The following CCPG1 variants were observed in gnomAD, a reference collection of about 807,000 sequenced individuals.
The protein encoded by CCPG1 is cell cycle progression 1.
Under a neutral mutation model 81.3 loss-of-function variants are expected in CCPG1, and 46 were observed. That is an observed-to-expected ratio of 0.57 (90% confidence interval 0.45 to 0.72). The LOEUF (loss-of-function observed/expected upper bound fraction) is 0.72, where lower values mean the gene tolerates loss of function less well. CCPG1 is among the 30% of genes least tolerant of loss of function. The pLI is 0.00. For synonymous variants in CCPG1, 330 were observed against 305.2 expected, an observed-to-expected ratio of 1.08 and a Z score of -0.85; for missense variants, 902 against 937.6, an observed-to-expected ratio of 0.96 and a Z score of 0.50.
intron 1 of CCPG1, among the ~76,000 whole-genome samples, chr15:55,393,071 T>G (rs1164564624): frequency 6.6e-6 from 1 of 152,078 alleles, no homozygotes; most frequent in Non-Finnish European, 1.5e-5. Flanking sequence ...GCCATTGCAC[T>G]CCAGCCTGGG....
Position 55,356,135 on chromosome 15 carries a change from T to A in CCPG1, c.*85A>T. On this transcript the variant is annotated 3_prime_UTR_variant, in exon 9 of 9. Coordinates refer to ENST00000442196, the MANE Select transcript of CCPG1 (RefSeq NM_001204450.2). ...AACAAAAGAAAAGACATTGTCATCT[T>A]GGTAATTTCATTAGTTTCAATACCA... 1.0e-6 allele frequency: 1 copy of A among 958,898 alleles called. No individual in the cohort carries two copies. The highest frequency in any genetic ancestry group is 1.5e-6 in the Non-Finnish European group (1 of 658,064). 59.4% of individuals were successfully genotyped at this position (958,898 alleles called of 1,614,324 possible).
intron 1 of CCPG1, among the ~76,000 whole-genome samples, chr15:55,394,228 C>T (rs2056975779): frequency 1.3e-5 from 2 of 152,148 alleles, no homozygotes; most frequent in South Asian, 4.1e-4. Flanking sequence ...TCAAGTGATC[C>T]ACCCACCTCG....
chr15:55,386,166 G>A (rs1415760723), intron 2 of CCPG1, among the ~76,000 whole-genome samples: 9 of 129,762 alleles, frequency 6.9e-5, no homozygotes, highest in Admixed American at 1.7e-4. Context: ...GAGGCCGGTG[G>A]ATCACAAAAA....
intron 3 of CCPG1, among the ~76,000 whole-genome samples, chr15:55,379,379 T>C (rs535338529): frequency 1.3e-5 from 2 of 151,692 alleles, no homozygotes; most frequent in Non-Finnish European, 2.9e-5. Flanking sequence ...AATTAAAAAA[T>C]TATTTGGGCA....
intron 6 of CCPG1, among the ~76,000 whole-genome samples, chr15:55,365,748 A>G (rs1296799401): frequency 1.3e-5 from 2 of 151,896 alleles, no homozygotes; most frequent in Non-Finnish European, 2.9e-5. Flanking sequence ...TTTCATTCAG[A>G]GTATCAGCAT....
chr15:55,373,131 T>C, intron 5 of CCPG1: 2 of 434,734 alleles, frequency 4.6e-6, no homozygotes, highest in South Asian at 3.5e-5. Flanking sequence ...AAATCCCAAG[T>C]CCAGGAAACA....
chr15:55,391,523 T>C (rs1025626758), intron 1 of CCPG1, among the ~76,000 whole-genome samples: 2 of 150,458 alleles, frequency 1.3e-5, no homozygotes, highest in African/African-American at 5.0e-5. Flanking sequence ...ATGTTTATAA[T>C]AGCTTGAAAA....
rs2056154637 is a variant in CCPG1, at chr15:55,359,861, G to C, written c.1912C>G (p.Gln638Glu). 1.9e-6 allele frequency: 3 copies of C among 1,613,562 alleles called. No homozygotes were observed. Among genetic ancestry groups the C allele is most frequent in the Non-Finnish European group, 1.7e-6 (2 of 1,179,924 alleles). ...ACSGVFDCAQQESMSLFNTVV... is the reference protein window; with the variant it reads ...ACSGVFDCAQEESMSLFNTVV... ...GTGTTAAAAAGGCTCATGGACTCTT[G>C]TTGAGCACAATCAAATACACCAGAA... is the stretch of plus-strand genomic sequence containing the variant. Residue 638 changes from glutamine (Q) to glutamate (E), a missense_variant, in exon 8 of 9, where the codon CAA (glutamine) becomes GAA (glutamate). This residue lies in a region of CCPG1 where 746 missense variants were observed against 728.6 expected (regional missense o/e 1.02). Transcript: ENST00000442196.
chr15:55,404,372 T>C (rs1372430694), intron 1 of CCPG1, among the ~76,000 whole-genome samples: 3 of 152,202 alleles, frequency 2.0e-5, no homozygotes, highest in Non-Finnish European at 4.4e-5. Context: ...TGTATATTAC[T>C]GTGGAAGAAC....
intron 7 of CCPG1, among the ~76,000 whole-genome samples, chr15:55,362,482 CTGCTCTACCTGTA>C (rs1204323365): frequency 6.6e-6 from 1 of 152,184 alleles, no homozygotes; most frequent in Non-Finnish European, 1.5e-5. Context: ...GTCATTTCAT[CTGCTCTACCTGTA>C]TGAGAGAAAA....
At chr15:55,406,857 T>C (rs2141360999) in intron 1 of CCPG1, among the ~76,000 whole-genome samples, 1 of 152,308 alleles carries the variant, frequency 6.6e-6, no homozygotes, top group African/African-American at 2.4e-5. Flanking sequence ...CTTTAAATTG[T>C]ATTTGGGCTG....
intron 5 of CCPG1, chr15:55,372,962 C>T (rs749619551): frequency 1.9e-6 from 1 of 534,682 alleles, no homozygotes; most frequent in Non-Finnish European, 3.8e-6. Context: ...CTTCGACTGC[C>T]ACTCTTACTA....
chr15:55,408,177 G>C (rs1435251214), intron 1 of CCPG1, 44 bp downstream of exon 1: 1 of 152,454 alleles, frequency 6.6e-6, no homozygotes, highest in African/African-American at 2.4e-5. Flanking sequence ...TCAGACAGTC[G>C]GCACAAACCC....
At chr15:55,397,776 T>C (rs972354685) in intron 1 of CCPG1, among the ~76,000 whole-genome samples, 2 of 152,088 alleles carry the variant, frequency 1.3e-5, no homozygotes, top group South Asian at 2.1e-4. Context: ...AAGGAGTTCA[T>C]GACCAGCCTG....
chr15:55,393,169 G>A (rs11857862), intron 1 of CCPG1, among the ~76,000 whole-genome samples: 35,593 of 152,058 alleles, frequency 0.23, 5,291 homozygotes, highest in Non-Finnish European at 0.34. Context: ...CAAGAGTGGC[G>A]GCTTGCACCT....
intron 1 of CCPG1, among the ~76,000 whole-genome samples, chr15:55,391,893 G>A (rs114954773): frequency 0.051 from 5,719 of 112,816 alleles, 913 homozygotes; most frequent in African/African-American, 0.16. Flanking sequence ...AAAAAGGGGG[G>A]GGGGGGCTAG....
At chr15:55,362,385 C>T (rs2056221509) in intron 7 of CCPG1, among the ~76,000 whole-genome samples, 1 of 151,000 alleles carries the variant, frequency 6.6e-6, no homozygotes, top group African/African-American at 2.4e-5. Flanking sequence ...CTAATATACA[C>T]TTGAAAAATA....
At chr15:55,369,972 TATTG>T (rs1446722555) in intron 6 of CCPG1, among the ~76,000 whole-genome samples, 2 of 151,958 alleles carry the variant, frequency 1.3e-5, no homozygotes, top group Admixed American at 6.6e-5. Context: ...CTCAAATACT[TATTG>T]ATTGTTTCAG....
intron 3 of CCPG1, among the ~76,000 whole-genome samples, chr15:55,380,341 G>C (rs2056658442): frequency 1.3e-5 from 2 of 150,822 alleles, no homozygotes; most frequent in Non-Finnish European, 3.0e-5. Flanking sequence ...TGTCGCCCAG[G>C]CTGGAGTGCA....
Sources: gnomAD v4.1 joint callset for allele counts (sites outside exome capture counted in the v4.1 genomes callset) on GRCh38, gnomAD v4.1.1 for gene constraint, gnomAD v4.1.1 regional missense constraint, MANE v1.5 for transcripts, NCBI Gene and HGNC (gene_info 2026-07-23, HGNC 2026-07-21) for gene names.